NOLC1: variants seen among roughly 807,000 people sequenced by gnomAD.
NOLC1 encodes the protein 140 kDa nucleolar phosphoprotein.
Under a neutral mutation model 73.4 loss-of-function variants are expected in NOLC1, and 37 were observed. That is an observed-to-expected ratio of 0.50 (90% CI 0.39 to 0.66). NOLC1 has a LOEUF of 0.66. NOLC1 is among the 30% of genes least tolerant of loss of function. The pLI, the probability that NOLC1 is intolerant of heterozygous loss-of-function variation, is 0.00. For missense variants in NOLC1, 921 were observed against 838.9 expected, an observed-to-expected ratio of 1.10 and a Z score of -1.21; for synonymous variants, 327 against 302.6, an observed-to-expected ratio of 1.08 and a Z score of -0.84.
intron 4 of NOLC1, 120 bp downstream of exon 4, chr10:102,157,675 G>A: frequency 8.4e-7 from 1 of 1,194,644 alleles, no homozygotes; most frequent in South Asian, 1.6e-5. Flanking sequence ...TTATGAGGAA[G>A]AAAATCTGGG....
Position 102,161,054 on chromosome 10 carries a change from GAAGAA to G in NOLC1, c.1710_1714del (p.Lys571GlyfsTer18). On this transcript the variant is annotated frameshift_variant, in exon 10 of 13. Coordinates refer to ENST00000605788, the MANE Select transcript of NOLC1 (RefSeq NM_004741.5). LOFTEE classifies it high-confidence loss of function. ...AGCTAAGAACAGTGAGGAGGAGGAA[GAAGAA>G]AAGAAAAAGGCGGCAGTGGTAGTTT... is the stretch of plus-strand genomic sequence containing the variant. 6.2e-7 allele frequency: 1 copy of G among 1,609,546 alleles called. No homozygotes were observed. The highest frequency in any genetic ancestry group is 8.5e-7 in the Non-Finnish European group (1 of 1,178,996).
intron 11 of NOLC1, 42 bp from the exon 12 acceptor site, chr10:102,161,791 A>G (rs2069713654): frequency 1.3e-6 from 2 of 1,592,426 alleles, no homozygotes; most frequent in South Asian, 1.1e-5. Flanking sequence ...GAACTGTTAC[A>G]TGACCACTCT....
chr10:102,161,499 T>G, intron 10 of NOLC1, 57 bp from the exon 11 acceptor site: 1 of 1,335,522 alleles, frequency 7.5e-7, no homozygotes, highest in Non-Finnish European at 1.1e-6. Context: ...CCCAAAATGC[T>G]GGGGTTACAG....
chr10:102,152,473 C>T lies in NOLC1; in HGVS notation c.63C>T (p.Phe21=), dbSNP rs1317545811. 1 of 1,613,746 alleles carries T rather than the reference C, an allele frequency of 6.2e-7. No individual in the cohort carries two copies. The part of the protein sequence containing the change: ...PSDLYPLVLG[F]LRDNQLSEVA... ...ACCTGTATCCCCTCGTGCTCGGCTT[C>T]CTGCGCGATAACCAACTCTCAGAGG... The change falls in exon 1 of 13, where the codon TTC becomes TTT. Residue 21 remains phenylalanine (F), a synonymous_variant. Coordinates refer to ENST00000605788, the MANE Select transcript of NOLC1 (RefSeq NM_004741.5).
Position 102,159,475 on chromosome 10 carries a change from G to C in NOLC1, c.766G>C (p.Ala256Pro). 1 of 1,614,204 alleles carries C rather than the reference G, an allele frequency of 6.2e-7. No homozygotes were observed. The highest frequency in any genetic ancestry group is 8.5e-7 in the Non-Finnish European group (1 of 1,180,048). Residue 256 changes from alanine (A) to proline (P), a missense_variant, in exon 7 of 13, where the codon GCA becomes CCA. By Grantham distance (27) the Ala-to-Pro change is conservative (BLOSUM62 -1). Transcript: ENST00000605788. ...AGTTGTGGCCAAGGCCCCAGTGAAA[G>C]CAGCTACCACCCCTACCCGGAAGAG... The part of the protein sequence containing the change: ...KQVVAKAPVK[A>P]ATTPTRKSSS...
chr10:102,158,150 G>T lies in NOLC1; in HGVS notation c.543G>T (p.Lys181Asn). Reference protein sequence around the residue: ...SDSSSEDEPPKNQKPKITPVT... With the variant: ...SDSSSEDEPPNNQKPKITPVT... Reference sequence around the variant, plus strand: ...CAAGCTCCGAGGATGAGCCACCAAAGAACCAGAAGCCAAAGATAACACCTG... The same window carrying T: ...CAAGCTCCGAGGATGAGCCACCAAATAACCAGAAGCCAAAGATAACACCTG... The change falls in exon 5 of 13, where the codon AAG (lysine) becomes AAT (asparagine). Residue 181 changes from lysine to asparagine, a missense_variant. By Grantham distance (94) the Lys-to-Asn change is moderately conservative. Transcript: ENST00000605788. 1 of 1,614,150 alleles carries T rather than the reference G, an allele frequency of 6.2e-7. No individual in the cohort carries two copies. Among genetic ancestry groups the T allele is most frequent in the South Asian group, 1.1e-5 (1 of 91,080 alleles).
chr10:102,154,653 CA>C (rs1218746906), intron 1 of NOLC1, among the ~76,000 whole-genome samples: 1 of 151,942 alleles, frequency 6.6e-6, no homozygotes, highest in African/African-American at 2.4e-5. Flanking sequence ...CTCAGCCTCC[CA>C]AATAGCTGGG....
intron 1 of NOLC1, among the ~76,000 whole-genome samples, chr10:102,155,182 C>T (rs1483723123): frequency 3.3e-5 from 5 of 151,680 alleles, no homozygotes; most frequent in Admixed American, 6.6e-5. Context: ...TGCGCCACCA[C>T]GCCCAGCTAA....
At chr10:102,159,065 CAAAAA>C (rs35183508) in intron 5 of NOLC1, 123 bp from the exon 6 acceptor site, 11,168 of 353,960 alleles carry the variant, frequency 0.032, 15 homozygotes, top group African/African-American at 0.064. Context: ...ACTCCGTCTC[CAAAAA>C]AAAAAAAAAA....
chr10:102,161,371 C>G (rs1231528675), intron 10 of NOLC1, among the ~76,000 whole-genome samples, 185 bp from the exon 11 acceptor site: 2 of 152,054 alleles, frequency 1.3e-5, no homozygotes, highest in Non-Finnish European at 2.9e-5. Flanking sequence ...GCCGGGACTA[C>G]AAGCATGCAC....
chr10:102,159,262 G>C lies in NOLC1; in HGVS notation c.677G>C (p.Ser226Thr). 6.2e-7 allele frequency: 1 copy of C among 1,614,092 alleles called. No individual in the cohort carries two copies. The highest frequency in any genetic ancestry group is 8.5e-7 in the Non-Finnish European group (1 of 1,180,016). Residue 226 changes from serine (S) to threonine (T), a missense_variant, in exon 6 of 13, where the codon AGC becomes ACC. Coordinates refer to ENST00000605788, the MANE Select transcript of NOLC1 (RefSeq NM_004741.5). Reference sequence around the variant, plus strand: ...AGCAGTAGCAGCAGCAGCAGCAGTAGCAGTGATGACTCAGAGGAGGAGAAG... The same window carrying C: ...AGCAGTAGCAGCAGCAGCAGCAGTACCAGTGATGACTCAGAGGAGGAGAAG... ...SSSSSSSSSSSSDDSEEEKAA... is the reference protein window; with the variant it reads ...SSSSSSSSSSTSDDSEEEKAA...
chr10:102,159,746 C>T (rs573393569), intron 7 of NOLC1, 150 bp from the exon 8 acceptor site: 3 of 1,028,636 alleles, frequency 2.9e-6, no homozygotes, highest in East Asian at 5.2e-5. Flanking sequence ...AACCTAGACT[C>T]AGAGGTGACA....
At chr10:102,158,775 G>A (rs1002391578) in intron 5 of NOLC1, among the ~76,000 whole-genome samples, 1 of 151,972 alleles carries the variant, frequency 6.6e-6, no homozygotes, top group Admixed American at 6.6e-5. Flanking sequence ...CATTCTCCTC[G>A]ATGGCTGCTC....
At position 102,159,339 on chromosome 10, in the gene NOLC1, G is replaced by A. The variant is rs548446737; in HGVS notation, c.723+31G>A. On this transcript the variant is annotated intron_variant, in intron 6 of 12. Coordinates refer to ENST00000605788, the MANE Select transcript of NOLC1 (RefSeq NM_004741.5). ...GACCATAACTTCTGTCAGGGCAGAG[G>A]TGACCAGGGTGTGATGTGTGTGTGT... is the stretch of plus-strand genomic sequence containing the variant. 1.9e-6 allele frequency: 3 copies of A among 1,614,094 alleles called. No individual in the cohort carries two copies. In the South Asian group the frequency reaches 3.3e-5, roughly 18 times the overall value.
chr10:102,162,059 CAG>C, intron 12 of NOLC1, 50 bp from the exon 13 acceptor site: 1 of 1,605,320 alleles, frequency 6.2e-7, no homozygotes, highest in African/African-American at 1.3e-5. Flanking sequence ...AATAAAGTGA[CAG>C]GGCTCCAGCA....
rs755781572 is a variant in NOLC1 at position 102,159,204 on chromosome 10, C to T, written c.619C>T (p.Pro207Ser). ...KAPPKPARAA[P>S]KIANGKAASS... Reference sequence around the variant, plus strand: ...CTTGGGTATTCCAGCTCGAGCAGCACCTAAAATAGCCAATGGTAAAGCAGC... The same window carrying T: ...CTTGGGTATTCCAGCTCGAGCAGCATCTAAAATAGCCAATGGTAAAGCAGC... The change falls in exon 6 of 13, where the codon CCT (proline) becomes TCT (serine). Residue 207 changes from proline (P) to serine (S), a missense_variant. Pro to Ser is a moderately conservative substitution (Grantham distance 74). Transcript: ENST00000605788. The T allele has an allele frequency of 5.6e-6, 9 of 1,613,670 alleles. No individual in the cohort carries two copies. In the Admixed American group the frequency reaches 1.2e-4, roughly 21 times the overall value.
intron 8 of NOLC1, 59 bp downstream of exon 8, chr10:102,160,083 A>G: frequency 6.3e-7 from 1 of 1,596,654 alleles, no homozygotes; most frequent in Non-Finnish European, 8.5e-7. Flanking sequence ...GATGAGGAAT[A>G]AGGGAGAGAG....
chr10:102,160,056 G>T, intron 8 of NOLC1, 32 bp downstream of exon 8: 2 of 1,607,386 alleles, frequency 1.2e-6, no homozygotes, highest in South Asian at 2.2e-5. Flanking sequence ...TCCCCTCAGC[G>T]TGGGTCTGGA....
At chr10:102,159,366 T>C in intron 6 of NOLC1, 58 bp downstream of exon 6, 1 of 1,613,644 alleles carries the variant, frequency 6.2e-7, no homozygotes, top group Non-Finnish European at 8.5e-7. Flanking sequence ...TGTGTGTGTC[T>C]TCCTTCCCTG....
Sources: gnomAD v4.1 joint callset for allele counts (sites outside exome capture counted in the v4.1 genomes callset) on GRCh38, gnomAD v4.1.1 for gene constraint, MANE v1.5 for transcripts, NCBI Gene and HGNC (gene_info 2026-07-23, HGNC 2026-07-21) for gene names.